The following PMVK variants were observed in gnomAD, a reference collection of about 807,000 sequenced individuals.
The protein encoded by PMVK is phosphomevalonate kinase.
A neutral mutation model predicts 19.0 loss-of-function variants in PMVK; 10 were observed. The ratio of observed to expected loss-of-function variants is 0.53; its 90% CI spans 0.32 to 0.89. PMVK has a LOEUF of 0.89. PMVK is among the 40% of genes least tolerant of loss of function. The pLI is 0.03. For missense variants in PMVK, 222 were observed against 251.1 expected (o/e 0.88, Z 0.78); for synonymous variants, 108 against 101.6 (o/e 1.06, Z -0.38).
chr1:154,932,391 G>A lies in PMVK; in HGVS notation c.120C>T (p.Val40=). 1 of 1,612,764 alleles carries A rather than the reference G, an allele frequency of 6.2e-7. No individual in the cohort carries two copies. The highest frequency in any genetic ancestry group is 8.5e-7 in the Non-Finnish European group (1 of 1,179,220). Residue 40 remains valine (V), a synonymous_variant, in exon 2 of 5, where the codon GTC becomes GTT. Coordinates refer to ENST00000368467, the MANE Select transcript of PMVK (RefSeq NM_006556.4). ...QSRLGADVCA[V]LRLSGPLKEQ... ...CCTTGAGTGGACCAGAGAGCCGGAG[G>A]ACAGCACAGACATCAGCTCCAAGTC...
intron 1 of PMVK, among the ~76,000 whole-genome samples, chr1:154,934,703 C>A (rs747113302): frequency 9.9e-5 from 15 of 152,128 alleles, no homozygotes; most frequent in Non-Finnish European, 1.8e-4. Flanking sequence ...AAGCCCTTCA[C>A]ACACATTATC....
intron 4 of PMVK, among the ~76,000 whole-genome samples, 186 bp from the exon 5 acceptor site, chr1:154,925,451 T>C (rs893690494): frequency 2.6e-5 from 4 of 152,178 alleles, no homozygotes; most frequent in Non-Finnish European, 5.9e-5. Context: ...CAGTAGCCCA[T>C]AGCCACCTGG....
At chr1:154,937,721 G>GA (rs1299873201), upstream of PMVK, 3 of 152,208 alleles carry the variant, frequency 2.0e-5, no homozygotes, top group African/African-American at 7.2e-5. Flanking sequence ...CTCCACTAGA[G>GA]AAAAAGTGTA....
At chr1:154,927,660 C>G (rs1252169253) in intron 3 of PMVK, among the ~76,000 whole-genome samples, 1 of 123,238 alleles carries the variant, frequency 8.1e-6, no homozygotes, top group Non-Finnish European at 1.6e-5. Context: ...GGAAGTCTGA[C>G]CTGACCTTCC....
Position 154,932,373 on chromosome 1 carries a change from T to C in PMVK, c.138A>G (p.Pro46=). 6.2e-7 allele frequency: 1 copy of C among 1,613,210 alleles called. No individual in the cohort carries two copies. The highest frequency in any genetic ancestry group is 1.7e-4 in the Middle Eastern group (1 of 6,060). Residue 46 remains proline, a synonymous_variant, in exon 2 of 5, where the codon CCA becomes CCG. Transcript: ENST00000368467. ...CTACCTGAGCATACTGTTCCTTGAG[T>C]GGACCAGAGAGCCGGAGGACAGCAC... ...DVCAVLRLSG[P]LKEQYAQEHG... is the part of the protein sequence containing the mutation.
upstream of PMVK, among the ~76,000 whole-genome samples, chr1:154,940,772 A>C (rs1654624104): frequency 6.6e-6 from 1 of 152,200 alleles, no homozygotes; most frequent in Admixed American, 6.5e-5. Context: ...CACAGCATCT[A>C]GCACAGTATT....
At chr1:154,938,331 C>A (rs190507387), upstream of PMVK, among the ~76,000 whole-genome samples, 1 of 152,228 alleles carries the variant, frequency 6.6e-6, no homozygotes, top group South Asian at 2.1e-4. Context: ...CCCAGGCTCA[C>A]GCCTGTAATC....
At chr1:154,936,752 G>A (rs1654520496), upstream of PMVK, 1 of 1,372,434 alleles carries the variant, frequency 7.3e-7, no homozygotes, top group Non-Finnish European at 1.0e-6. Context: ...GGGACACCGC[G>A]CGGAATGGAC....
At chr1:154,941,656 G>A (rs779686251), upstream of PMVK, among the ~76,000 whole-genome samples, 1 of 152,182 alleles carries the variant, frequency 6.6e-6, no homozygotes, top group East Asian at 1.9e-4. Context: ...CTCTCAAAAG[G>A]AGCAATGTGC....
At chr1:154,931,677 G>C (rs1259249885) in intron 2 of PMVK, among the ~76,000 whole-genome samples, 1 of 151,788 alleles carries the variant, frequency 6.6e-6, no homozygotes. Flanking sequence ...GATATATTTA[G>C]AATTCTTTTA....
chr1:154,925,247 G>A lies in PMVK; in HGVS notation c.461C>T (p.Ser154Leu). 1 of 1,614,120 alleles carries A rather than the reference G, an allele frequency of 6.2e-7. No individual in the cohort carries two copies. ...CCCGAAGTTGTCCAGGCCACATTCT[G>A]ACTCAGCATCGTCCACCCCTATGAA... is the stretch of plus-strand genomic sequence containing the variant. The part of the protein sequence containing the change: ...VFTPGVDDAE[S>L]ECGLDNFGDF... Residue 154 changes from serine to leucine, a missense_variant, in exon 5 of 5, where the codon TCA (serine) becomes TTA (leucine). Transcript: ENST00000368467.
intron 4 of PMVK, among the ~76,000 whole-genome samples, 179 bp from the exon 5 acceptor site, chr1:154,925,444 T>C (rs932579614): frequency 1.4e-4 from 21 of 152,136 alleles, no homozygotes; most frequent in Non-Finnish European, 2.9e-4. Context: ...GCAGGTTCAG[T>C]AGCCCATAGC....
At chr1:154,937,007 T>G (rs962709179), upstream of PMVK, 1 of 256,038 alleles carries the variant, frequency 3.9e-6, no homozygotes, top group African/African-American at 2.2e-5. Context: ...CAGCCTGGCC[T>G]GCTTAACTGA....
At chr1:154,926,832 GAC>G (rs1439786185) in intron 3 of PMVK, among the ~76,000 whole-genome samples, 1 of 152,158 alleles carries the variant, frequency 6.6e-6, no homozygotes, top group Admixed American at 6.5e-5. Context: ...TCTAGTGGGA[GAC>G]ACTGAACAAG....
chr1:154,936,689 G>A lies in PMVK; in HGVS notation c.-4C>T. 1 of 1,600,094 alleles carries A rather than the reference G, an allele frequency of 6.2e-7. No homozygotes were observed. On this transcript the variant is annotated 5_prime_UTR_variant, in exon 1 of 5. Transcript: ENST00000368467. ...GGGCGCCTCCCAGCGGGGCCATGGG[G>A]CCGCCACGCCTCGCGATGCCTGAAG...
intron 3 of PMVK, among the ~76,000 whole-genome samples, chr1:154,927,979 G>A (rs1654220013): frequency 6.6e-6 from 1 of 151,832 alleles, no homozygotes; most frequent in South Asian, 2.1e-4. Flanking sequence ...ACCCTCAGCT[G>A]TAATGTAAGC....
chr1:154,942,529 G>A, the PMVK span, among the ~76,000 whole-genome samples: 2 of 152,200 alleles, frequency 1.3e-5, no homozygotes, highest in Non-Finnish European at 2.9e-5. Flanking sequence ...GAGAGAGGGC[G>A]ATCAGAGCAG....
chr1:154,932,819 G>A (rs1654378380), intron 1 of PMVK, among the ~76,000 whole-genome samples: 1 of 152,212 alleles, frequency 6.6e-6, no homozygotes. Context: ...TTAATTCACT[G>A]GTTGGGCATG....
intron 1 of PMVK, among the ~76,000 whole-genome samples, chr1:154,933,400 T>G (rs1165212711): frequency 4.1e-5 from 6 of 145,318 alleles, no homozygotes; most frequent in Non-Finnish European, 9.1e-5. Flanking sequence ...CCCATTGCAC[T>G]CCAGCCTGGG....
Sources: allele counts gnomAD v4.1 joint callset (sites outside exome capture counted in the v4.1 genomes callset), GRCh38; gene constraint gnomAD v4.1.1; transcripts MANE v1.5; gene names NCBI Gene and HGNC (gene_info 2026-07-23, HGNC 2026-07-21).